The following JAKMIP1 variants were observed in gnomAD, a reference collection of about 807,000 sequenced individuals.
JAKMIP1 encodes janus kinase and microtubule-interacting protein 1.
Under a neutral mutation model 113.0 loss-of-function variants are expected in JAKMIP1, and 33 were observed. The ratio of observed to expected loss-of-function variants is 0.29; its 90% CI spans 0.22 to 0.39. JAKMIP1 has a LOEUF of 0.39. Among genes scored for constraint, JAKMIP1 ranks in the 10% least tolerant of loss-of-function variants. The pLI is 1.00. For missense variants in JAKMIP1, 813 were observed against 1,080.5 expected, an observed-to-expected ratio of 0.75 and a Z score of 3.47; for synonymous variants, 480 against 459.9, an observed-to-expected ratio of 1.04 and a Z score of -0.56.
chr4:6,097,964 T>C lies in JAKMIP1; in HGVS notation c.624+7509A>G, dbSNP rs1022857504. Among the ~76,000 whole-genome samples, 2 of 152,192 alleles carry C rather than the reference T, an allele frequency of 1.3e-5. No individual in the cohort carries two copies. The highest frequency in any genetic ancestry group is 6.5e-5 in the Admixed American group (1 of 15,290). On this transcript the variant is annotated intron_variant, in intron 3 of 20. Transcript: ENST00000409021. This position sits in a 1 kb window ranked among gnomAD's most constrained non-coding sequence, Gnocchi z 4.3. ...CAATGCCCTTTATGGCTCACTTACA[T>C]TGTGGGACAGAAAAGCGGTAACTGT...
At chr4:6,090,884 G>A (rs1353466745) in intron 3 of JAKMIP1, among the ~76,000 whole-genome samples, 2 of 151,556 alleles carry the variant, frequency 1.3e-5, no homozygotes, top group Non-Finnish European at 2.9e-5. Context: ...AAAACCCCAC[G>A]TTGACCATGA....
intron 2 of JAKMIP1, among the ~76,000 whole-genome samples, chr4:6,110,195 T>C (rs1280020555): frequency 6.6e-6 from 1 of 152,166 alleles, no homozygotes; most frequent in African/African-American, 2.4e-5. Context: ...TAGATCCTAA[T>C]GAGGTCATTA....
In JAKMIP1 at chr4:6,135,629, C is replaced by T. The variant is rs1220786399; in HGVS notation, c.-147-22632G>A. On this transcript the variant is annotated intron_variant, in intron 1 of 20. Transcript: ENST00000409021. This position sits in a 1 kb window ranked among gnomAD's most constrained non-coding sequence, Gnocchi z 4.9. The stretch of plus-strand genomic sequence containing the variant: ...ACAGCATTTTGCAGATTAAAATAAT[C>T]TAGTTCCCTGCATACCACTGCATCA... Among the ~76,000 whole-genome samples, 1 of 152,166 alleles carries T rather than the reference C, an allele frequency of 6.6e-6. No individual in the cohort carries two copies. Among genetic ancestry groups the T allele is most frequent in the Non-Finnish European group, 1.5e-5 (1 of 68,032 alleles).
intron 1 of JAKMIP1, among the ~76,000 whole-genome samples, chr4:6,172,800 C>T (rs1724892206): frequency 6.6e-6 from 1 of 152,214 alleles, no homozygotes; most frequent in South Asian, 2.1e-4. Context: ...CAAGATGCCC[C>T]ACCCTGCCCC....
chr4:6,053,760 C>CA, intron 13 of JAKMIP1: 1 of 1,229,290 alleles, frequency 8.1e-7, no homozygotes, highest in East Asian at 3.3e-5. Flanking sequence ...CAAAATATTG[C>CA]AAAAACAAAT....
chr4:6,096,372 G>C (rs997822191), intron 3 of JAKMIP1, among the ~76,000 whole-genome samples: 1 of 152,102 alleles, frequency 6.6e-6, no homozygotes, highest in African/African-American at 2.4e-5. Flanking sequence ...TGTTCCTCTT[G>C]TAAACTTGAC....
intron 1 of JAKMIP1, among the ~76,000 whole-genome samples, chr4:6,130,876 A>C (rs898055781): frequency 2.0e-5 from 3 of 152,098 alleles, no homozygotes; most frequent in African/African-American, 4.8e-5. Flanking sequence ...AATAAAAAAA[A>C]CGAATATCCC....
rs950030695 is a variant in JAKMIP1, at chr4:6,179,279, C to A, written c.-148+20974G>T. 6.6e-6 allele frequency among the ~76,000 whole-genome samples: 1 copy of A among 152,168 alleles called. No individual in the cohort carries two copies. Among genetic ancestry groups the A allele is most frequent in the East Asian group, 1.9e-4 (1 of 5,184 alleles). On this transcript the variant is annotated intron_variant, in intron 1 of 20. Transcript: ENST00000409021. This position sits in a 1 kb window ranked among gnomAD's most constrained non-coding sequence, Gnocchi z 4.5. ...CTCTAACCCCTAAATGACTGCTTAACCTCGTGGGGTCTTGGTTTCCTCCTA... is the reference window on the plus strand; with the variant it reads ...CTCTAACCCCTAAATGACTGCTTAAACTCGTGGGGTCTTGGTTTCCTCCTA...
chr4:6,050,970 GA>G lies in JAKMIP1; in HGVS notation c.1807-292del, dbSNP rs748814970. On this transcript the variant is annotated intron_variant, in intron 13 of 20. Coordinates refer to ENST00000409021, the MANE Select transcript of JAKMIP1 (RefSeq NM_001099433.2). This position sits in a 1 kb window ranked among gnomAD's most constrained non-coding sequence, Gnocchi z 7.4. ...TGAGATCAAAACCCAGGAAATCACA[GA>G]ATTACAAAATTTAAAAAACACAGTT... is the stretch of plus-strand genomic sequence containing the variant. 3.9e-5 allele frequency among the ~76,000 whole-genome samples: 6 copies of G among 152,144 alleles called. No homozygotes were observed. Among genetic ancestry groups the G allele is most frequent in the Non-Finnish European group, 8.8e-5 (6 of 68,028 alleles).
chr4:6,039,433 G>T (rs1198585835), intron 18 of JAKMIP1, among the ~76,000 whole-genome samples: 1 of 152,170 alleles, frequency 6.6e-6, no homozygotes, highest in East Asian at 1.9e-4. Flanking sequence ...CGCTTTGCGG[G>T]ACCCTAAGTT....
At chr4:6,122,853 T>G (rs2108912246) in intron 1 of JAKMIP1, among the ~76,000 whole-genome samples, 1 of 152,310 alleles carries the variant, frequency 6.6e-6, no homozygotes, top group East Asian at 1.9e-4. Flanking sequence ...AGGAGACTTC[T>G]GTCTCCTCTC....
In JAKMIP1 at chr4:6,040,509, G is replaced by T; in HGVS notation, c.2175+130C>A. On this transcript the variant is annotated intron_variant, in intron 18 of 20. Transcript: ENST00000409021. The surrounding 1 kb of genome is among the most constrained non-coding windows in gnomAD (Gnocchi z 5.8). ...GTACGGTCATTCCAGTCACAAGGTG[G>T]AGATGGCATTTTTATCACTCCTGTT... 1.4e-6 allele frequency: 1 copy of T among 721,228 alleles called. No individual in the cohort carries two copies. The highest frequency in any genetic ancestry group is 2.6e-6 in the Non-Finnish European group (1 of 390,424). 44.7% of individuals were successfully genotyped at this position (721,228 alleles called of 1,614,324 possible). A position where few individuals can be genotyped will look rare whatever the true frequency, so the allele number is the denominator to read the frequency against.
intron 1 of JAKMIP1, among the ~76,000 whole-genome samples, chr4:6,190,327 GT>G (rs1332419533): frequency 1.3e-5 from 2 of 152,170 alleles, no homozygotes; most frequent in African/African-American, 4.8e-5. Context: ...CACATGTTTT[GT>G]TGCAAGAGCA....
rs995384086 is a variant in JAKMIP1, at chr4:6,192,570, T to G, written c.-148+7683A>C. Among the ~76,000 whole-genome samples the G allele has an allele frequency of 6.6e-5, 10 of 151,996 alleles. No individual in the cohort carries two copies. The highest frequency in any genetic ancestry group is 5.9e-4 in the Admixed American group (9 of 15,272). ...ATTTCACAAAAGAAGGAAGTGAAGC[T>G]CAGAAAGATGAAGGAACGAGCACTC... On this transcript the variant is annotated intron_variant, in intron 1 of 20. Coordinates refer to ENST00000409021, the MANE Select transcript of JAKMIP1 (RefSeq NM_001099433.2). The surrounding 1 kb of genome is among the most constrained non-coding windows in gnomAD (Gnocchi z 5.0).
At chr4:6,189,502 G>A (rs1727008024) in intron 1 of JAKMIP1, among the ~76,000 whole-genome samples, 1 of 152,178 alleles carries the variant, frequency 6.6e-6, no homozygotes, top group Non-Finnish European at 1.5e-5. Flanking sequence ...ATCCTGCTAA[G>A]GTCCCTCCCA....
intron 5 of JAKMIP1, among the ~76,000 whole-genome samples, chr4:6,083,190 G>A (rs1297328860): frequency 6.6e-6 from 1 of 151,972 alleles, no homozygotes; most frequent in Non-Finnish European, 1.5e-5. Flanking sequence ...ATCACTTGAG[G>A]TCAGGAGTTC....
intron 1 of JAKMIP1, among the ~76,000 whole-genome samples, chr4:6,151,207 C>T (rs1721535691): frequency 6.6e-6 from 1 of 152,220 alleles, no homozygotes; most frequent in Non-Finnish European, 1.5e-5. Flanking sequence ...GTCTATGTTC[C>T]ATACAGGACC....
rs111859543 is a variant in JAKMIP1, at chr4:6,106,539, CCT to C, written c.130-574_130-573del. ...GTGCTCCCTCTCTTTCTCCCTCTCT[CCT>C]CTCTCTCTCTCTCTCTTCCTCTCTC... On this transcript the variant is annotated intron_variant, in intron 2 of 20. Coordinates refer to ENST00000409021, the MANE Select transcript of JAKMIP1 (RefSeq NM_001099433.2). The surrounding 1 kb of genome is among the most constrained non-coding windows in gnomAD (Gnocchi z 5.9). Among the ~76,000 whole-genome samples, 34 of 149,384 alleles carry C rather than the reference CCT, an allele frequency of 2.3e-4. No homozygotes were observed. The highest frequency in any genetic ancestry group is 3.9e-4 in the East Asian group (2 of 5,096).
rs898321882 is a variant in JAKMIP1 at position 6,051,364 on chromosome 4, A to T, written c.1807-685T>A. 8.6e-5 allele frequency among the ~76,000 whole-genome samples: 13 copies of T among 152,032 alleles called. No individual in the cohort carries two copies. The highest frequency in any genetic ancestry group is 3.1e-4 in the African/African-American group (13 of 41,392). On this transcript the variant is annotated intron_variant, in intron 13 of 20. Coordinates refer to ENST00000409021, the MANE Select transcript of JAKMIP1 (RefSeq NM_001099433.2). This position sits in a 1 kb window ranked among gnomAD's most constrained non-coding sequence, Gnocchi z 5.0. ...CAGCCTCCCAAGTAGCTGGGATTACAGGCACGCGCCACCACACCGGGCTAA... is the reference window on the plus strand; with the variant it reads ...CAGCCTCCCAAGTAGCTGGGATTACTGGCACGCGCCACCACACCGGGCTAA...
Sources: allele counts gnomAD v4.1 joint callset (sites outside exome capture counted in the v4.1 genomes callset), GRCh38; gene constraint gnomAD v4.1.1; non-coding constraint Gnocchi (gnomAD v3.1); transcripts MANE v1.5; gene names NCBI Gene and HGNC (gene_info 2026-07-23, HGNC 2026-07-21).